Variants in LPP observed in about 807,000 individuals in gnomAD.
The protein encoded by LPP is lipoma-preferred partner.
Under a neutral mutation model 60.4 loss-of-function variants are expected in LPP, and 38 were observed. The observed-to-expected ratio is 0.63, with a 90% CI of 0.49 to 0.83. The LOEUF (loss-of-function observed/expected upper bound fraction) is 0.83, where lower values mean the gene tolerates loss of function less well. Among genes scored for constraint, LPP ranks in the 40% least tolerant of loss-of-function variants. The pLI is 0.00. For synonymous variants in LPP, 328 were observed against 290.8 expected (o/e 1.13, Z -1.30); for missense variants, 902 against 783.6 (o/e 1.15, Z -1.80).
chr3:188,335,472 A>G (rs12487315), intron 2 of LPP, among the ~76,000 whole-genome samples: 16,279 of 152,230 alleles, frequency 0.11, 1,404 homozygotes, highest in East Asian at 0.31. Context: ...TATGTTCATC[A>G]GAGATCCTGG....
chr3:188,585,741 A>G (rs1837295485), intron 6 of LPP, among the ~76,000 whole-genome samples: 1 of 152,232 alleles, frequency 6.6e-6, no homozygotes. Flanking sequence ...AAAGTAGAAA[A>G]CATGTAAATG....
chr3:188,178,619 A>G (rs968530921), intron 1 of LPP: 2 of 152,340 alleles, frequency 1.3e-5, no homozygotes, highest in African/African-American at 2.4e-5. Flanking sequence ...TGTTTAGTCA[A>G]TGTGAGAATC....
intron 4 of LPP, among the ~76,000 whole-genome samples, chr3:188,417,827 T>A (rs940579571): frequency 2.0e-5 from 3 of 152,286 alleles, no homozygotes; most frequent in African/African-American, 7.2e-5. Flanking sequence ...TCTCTTTAAA[T>A]CTCCTGAAAT....
At chr3:188,376,772 C>T (rs541867827) in intron 3 of LPP, among the ~76,000 whole-genome samples, 7 of 152,196 alleles carry the variant, frequency 4.6e-5, no homozygotes, top group South Asian at 2.1e-4. Context: ...TTATTTTGCT[C>T]GCTAGTTGAT....
intron 9 of LPP, among the ~76,000 whole-genome samples, chr3:188,790,343 T>A (rs1743285609): frequency 6.6e-6 from 1 of 151,942 alleles, no homozygotes; most frequent in Non-Finnish European, 1.5e-5. Flanking sequence ...GTGTGTGTGG[T>A]GTGTGCGTGT....
At chr3:188,455,896 TTTA>T (rs1797631219) in intron 4 of LPP, among the ~76,000 whole-genome samples, 1 of 152,214 alleles carries the variant, frequency 6.6e-6, no homozygotes, top group South Asian at 2.1e-4. Flanking sequence ...AAAAAATTTT[TTTA>T]TTTGTTTATT....
At chr3:188,652,396 T>C (rs4686488) in intron 7 of LPP, among the ~76,000 whole-genome samples, 151,060 of 152,222 alleles carry the variant, frequency 0.99, 74,961 homozygotes, top group East Asian at 1. Flanking sequence ...AGCCTATAGA[T>C]CCTCTGTCAC....
rs78515071 is a variant in LPP, at chr3:188,491,311, G to A, written c.306+6607G>A. Among the ~76,000 whole-genome samples, 1,423 of 152,338 alleles carry A rather than the reference G, an allele frequency of 9.3e-3. 26 individuals are homozygous for A. Among genetic ancestry groups the A allele is most frequent in the African/African-American group, 0.031 (1,271 of 41,576 alleles). On this transcript the variant is annotated intron_variant, in intron 5 of 11. Coordinates refer to ENST00000617246, the MANE Select transcript of LPP (RefSeq NM_001375462.1). Reference sequence around the variant, plus strand: ...CTGGGTATGAAAAGAGATGTCGGCTGTGGAGATTAAGAGTAGAGGTAGTGG... The same window carrying A: ...CTGGGTATGAAAAGAGATGTCGGCTATGGAGATTAAGAGTAGAGGTAGTGG...
At chr3:188,499,329 T>G (rs1041818849) in intron 5 of LPP, among the ~76,000 whole-genome samples, 2 of 152,202 alleles carry the variant, frequency 1.3e-5, no homozygotes, top group Non-Finnish European at 2.9e-5. Flanking sequence ...GAGTCCACCC[T>G]TACTCTTTTG....
At chr3:188,229,442 C>T (rs1024141027) in intron 2 of LPP, among the ~76,000 whole-genome samples, 3 of 152,178 alleles carry the variant, frequency 2.0e-5, no homozygotes, top group East Asian at 1.9e-4. Context: ...TAGTCTCTGC[C>T]GGAAGCAAAG....
chr3:188,435,763 T>A (rs1425421244), intron 4 of LPP, among the ~76,000 whole-genome samples: 1 of 152,200 alleles, frequency 6.6e-6, no homozygotes, highest in Admixed American at 6.5e-5. Context: ...AGGAAATAAG[T>A]GCATAAACCT....
intron 9 of LPP, among the ~76,000 whole-genome samples, chr3:188,797,447 C>T (rs772050298): frequency 1.3e-5 from 2 of 152,174 alleles, no homozygotes; most frequent in Non-Finnish European, 2.9e-5. Context: ...ATCAAAATCT[C>T]ATAATCTTCT....
chr3:188,324,411 G>T (rs1321650741), intron 2 of LPP, among the ~76,000 whole-genome samples: 1 of 152,112 alleles, frequency 6.6e-6, no homozygotes, highest in Non-Finnish European at 1.5e-5. Flanking sequence ...TTCTCAAAGT[G>T]TCATTCACAG....
chr3:188,834,324 G>GT (rs71867135), intron 9 of LPP, among the ~76,000 whole-genome samples: 2,851 of 34,110 alleles, frequency 0.084, 182 homozygotes, highest in African/African-American at 0.13. Flanking sequence ...CTTTTTGGGT[G>GT]TTTTTTTTTT....
chr3:188,163,321 G>A (rs1051828207), intron 1 of LPP, among the ~76,000 whole-genome samples: 3 of 152,084 alleles, frequency 2.0e-5, no homozygotes, highest in African/African-American at 7.2e-5. Flanking sequence ...ATCAGGACAG[G>A]GCAGGGTCAC....
At chr3:188,679,025 A>G (rs932604280) in intron 7 of LPP, among the ~76,000 whole-genome samples, 1 of 152,186 alleles carries the variant, frequency 6.6e-6, no homozygotes, top group Admixed American at 6.5e-5. Flanking sequence ...CCATAATAGA[A>G]ATGTTAACAT....
At chr3:188,737,519 T>A (rs1466463501) in intron 8 of LPP, among the ~76,000 whole-genome samples, 1 of 152,178 alleles carries the variant, frequency 6.6e-6, no homozygotes, top group Non-Finnish European at 1.5e-5. Context: ...TGTTGTTCTT[T>A]TACTCTTCTG....
chr3:188,358,904 G>A (rs1364622746), intron 3 of LPP, among the ~76,000 whole-genome samples: 1 of 152,128 alleles, frequency 6.6e-6, no homozygotes, highest in African/African-American at 2.4e-5. Context: ...GTGGCCACAC[G>A]AGTCTGGAAA....
At chr3:188,720,620 A>AG (rs2149866838) in intron 8 of LPP, among the ~76,000 whole-genome samples, 1 of 152,200 alleles carries the variant, frequency 6.6e-6, no homozygotes, top group East Asian at 1.9e-4. Flanking sequence ...AAAAAAAAAA[A>AG]AAAGGGAAAT....
Sources: gnomAD v4.1 joint callset for allele counts (sites outside exome capture counted in the v4.1 genomes callset) on GRCh38, gnomAD v4.1.1 for gene constraint, MANE v1.5 for transcripts, NCBI Gene and HGNC (gene_info 2026-07-23, HGNC 2026-07-21) for gene names.